Variants in GREB1L observed in about 807,000 individuals in gnomAD.
GREB1L encodes GREB1-like protein.
In GREB1L, 17 loss-of-function variants were observed where a neutral mutation model predicts 200.8. The ratio of observed to expected loss-of-function variants is 0.08; its 90% CI spans 0.06 to 0.13. The LOEUF (loss-of-function observed/expected upper bound fraction) is 0.13, where lower values mean the gene tolerates loss of function less well. Among genes scored for constraint, GREB1L ranks in the 10% least tolerant of loss-of-function variants. The pLI, the probability that GREB1L is intolerant of heterozygous loss-of-function variation, is 1.00. For missense variants in GREB1L, 1,657 were observed against 2,367.7 expected, an observed-to-expected ratio of 0.70 and a Z score of 6.23; for synonymous variants, 789 against 893.0, an observed-to-expected ratio of 0.88 and a Z score of 2.08.
rs181261542 is a variant in GREB1L, at chr18:21,523,959, G to A, written c.*1138G>A. The A allele has an allele frequency of 5.9e-5, 9 of 152,178 alleles. No homozygotes were observed. Among genetic ancestry groups the A allele is most frequent in the East Asian group, 1.9e-4 (1 of 5,186 alleles). The allele number at this position is 152,178 out of a possible 1,614,324, so 9.4% of individuals were successfully genotyped here. ...CAGCAGGGGGTGTTTGTCCAGTATC[G>A]GCAATGGGAGGCATATGTTTCTACA... On this transcript the variant is annotated 3_prime_UTR_variant, in exon 33 of 33. Transcript: ENST00000424526.
chr18:21,395,794 G>C (rs904711252), intron 5 of GREB1L, among the ~76,000 whole-genome samples: 3 of 149,676 alleles, frequency 2.0e-5, no homozygotes, highest in African/African-American at 7.4e-5. Context: ...CAATGGTGCA[G>C]TCTAGGCTCA....
At chr18:21,260,313 C>T (rs957933976) in intron 1 of GREB1L, among the ~76,000 whole-genome samples, 1 of 151,748 alleles carries the variant, frequency 6.6e-6, no homozygotes, top group Non-Finnish European at 1.5e-5. Flanking sequence ...TTTTTAAATA[C>T]ATTTCCTTTT....
rs1010005154 is a variant in GREB1L at position 21,515,555 on chromosome 18, C to T, written c.5040C>T (p.Ser1680=). The change falls in exon 29 of 33, where the codon AGC becomes AGT. Residue 1680 remains serine (S), a synonymous_variant. Transcript: ENST00000424526. The part of the protein sequence containing the change: ...QKWSSKLTSQ[S]LKAPFSRCHV... ...GGAGCAGCAAGCTGACTTCTCAGAG[C>T]CTAAAGGCCCCATTCTCTAGGTGTC... 6.4e-7 allele frequency: 1 copy of T among 1,551,622 alleles called. No individual in the cohort carries two copies. The highest frequency in any genetic ancestry group is 1.4e-5 in the African/African-American group (1 of 73,162).
intron 16 of GREB1L, 115 bp from the exon 17 acceptor site, chr18:21,477,049 C>T: frequency 1.1e-5 from 7 of 654,286 alleles, no homozygotes; most frequent in Admixed American, 3.4e-5. Flanking sequence ...CTTCTCTGCT[C>T]CCAATTGAAA....
intron 25 of GREB1L, among the ~76,000 whole-genome samples, chr18:21,507,035 T>A (rs1441839079): frequency 1.3e-5 from 2 of 152,208 alleles, no homozygotes; most frequent in Non-Finnish European, 2.9e-5. Context: ...CATCTCATCC[T>A]GAAATACAAA....
Position 21,520,758 on chromosome 18 carries a change from G to C in GREB1L, c.5543G>C (p.Gly1848Ala). 1 of 1,546,646 alleles carries C rather than the reference G, an allele frequency of 6.5e-7. No homozygotes were observed. The highest frequency in any genetic ancestry group is 8.7e-7 in the Non-Finnish European group (1 of 1,145,452). ...NVNCEGVFFS[G>A]LLLYLCDSFV... is the part of the protein sequence containing the mutation. ...AACTGTGAAGGGGTGTTTTTCAGTG[G>C]ACTCCTTTTGTACCTCTGTGACTCT... is the stretch of plus-strand genomic sequence containing the variant. The change falls in exon 32 of 33, where the codon GGA becomes GCA. Residue 1848 changes from glycine (G) to alanine (A), a missense_variant. Coordinates refer to ENST00000424526, the MANE Select transcript of GREB1L (RefSeq NM_001142966.3).
intron 11 of GREB1L, among the ~76,000 whole-genome samples, chr18:21,445,189 A>T (rs1367221765): frequency 6.6e-6 from 1 of 152,242 alleles, no homozygotes; most frequent in East Asian, 1.9e-4. Context: ...AATATTTGAG[A>T]TGTGGCCGGG....
rs754658709 is a variant in GREB1L at position 21,444,215 on chromosome 18, T to C, written c.1208-9T>C. On this transcript the variant is annotated splice_polypyrimidine_tract_variant and intron_variant, in intron 10 of 32. Coordinates refer to ENST00000424526, the MANE Select transcript of GREB1L (RefSeq NM_001142966.3). ...GTTGAACTGTACTGACCTGCTTCTA[T>C]TGGGACAGGCTATGGCACTTTACCC... 43 of 1,546,924 alleles carry C rather than the reference T, an allele frequency of 2.8e-5. No individual in the cohort carries two copies. Among genetic ancestry groups the C allele is most frequent in the East Asian group, 2.2e-4 (9 of 40,912 alleles).
intron 1 of GREB1L, among the ~76,000 whole-genome samples, chr18:21,264,777 C>G (rs1194606676): frequency 6.7e-6 from 1 of 150,204 alleles, no homozygotes; most frequent in African/African-American, 2.4e-5. Flanking sequence ...GTTGCAGATG[C>G]CTGGAAAGTT....
At chr18:21,498,990 G>A (rs1373757698) in intron 21 of GREB1L, among the ~76,000 whole-genome samples, 6 of 152,194 alleles carry the variant, frequency 3.9e-5, no homozygotes, top group Admixed American at 6.5e-5. Flanking sequence ...CTGTTAGGAG[G>A]ACAAACACAC....
At chr18:21,335,717 G>A (rs147817965) in intron 1 of GREB1L, among the ~76,000 whole-genome samples, 46 of 149,446 alleles carry the variant, frequency 3.1e-4, no homozygotes, top group African/African-American at 1.1e-3. Flanking sequence ...AGGCTGGAGT[G>A]CAGTGGCTCA....
At chr18:21,257,823 C>A (rs2037824891) in intron 1 of GREB1L, among the ~76,000 whole-genome samples, 1 of 152,162 alleles carries the variant, frequency 6.6e-6, no homozygotes, top group Admixed American at 6.5e-5. Flanking sequence ...TTTAATTCAA[C>A]AATATTATTA....
At position 21,384,247 on chromosome 18, in the gene GREB1L, A is replaced by G; in HGVS notation, c.199A>G (p.Asn67Asp). ...KVEDLDKDLVNRYTQNGSLDF... is the reference protein window; with the variant it reads ...KVEDLDKDLVDRYTQNGSLDF... ...GGAGGATCTGGACAAAGATTTGGTA[A>G]ACCGCTACACTCAAAATGGAAGTCT... is the stretch of plus-strand genomic sequence containing the variant. Residue 67 changes from asparagine to aspartate, a missense_variant, in exon 4 of 33, where the codon AAC (asparagine) becomes GAC (aspartate). Transcript: ENST00000424526. The G allele has an allele frequency of 3.2e-6, 5 of 1,551,478 alleles. No homozygotes were observed. Among genetic ancestry groups the G allele is most frequent in the Non-Finnish European group, 4.4e-6 (5 of 1,146,814 alleles).
At chr18:21,514,987 C>T (rs1435318903) in intron 28 of GREB1L, among the ~76,000 whole-genome samples, 2 of 152,194 alleles carry the variant, frequency 1.3e-5, no homozygotes, top group African/African-American at 4.8e-5. Context: ...TGCCAGCTGA[C>T]CTTTAAGCCC....
intron 21 of GREB1L, among the ~76,000 whole-genome samples, chr18:21,498,705 G>A (rs2036653699): frequency 1.3e-5 from 2 of 152,216 alleles, no homozygotes; most frequent in African/African-American, 4.8e-5. Flanking sequence ...AGAGCACAGG[G>A]ACCCCAGCCA....
intron 7 of GREB1L, among the ~76,000 whole-genome samples, chr18:21,422,352 A>G (rs1234569584): frequency 6.6e-6 from 1 of 152,208 alleles, no homozygotes; most frequent in Non-Finnish European, 1.5e-5. Flanking sequence ...GCGTGTGTAT[A>G]TACATACATA....
intron 1 of GREB1L, among the ~76,000 whole-genome samples, chr18:21,349,507 C>T (rs2039402778): frequency 6.6e-6 from 1 of 152,178 alleles, no homozygotes; most frequent in Non-Finnish European, 1.5e-5. Context: ...GATCCCCAGT[C>T]CCCTGGCCAC....
At chr18:21,342,038 A>G (rs1227767655) in intron 1 of GREB1L, among the ~76,000 whole-genome samples, 1 of 152,176 alleles carries the variant, frequency 6.6e-6, no homozygotes, top group Non-Finnish European at 1.5e-5. Flanking sequence ...GATTTTCATT[A>G]TTAAACCTCA....
intron 1 of GREB1L, among the ~76,000 whole-genome samples, chr18:21,284,116 C>A (rs533608597): frequency 1.3e-5 from 2 of 152,246 alleles, no homozygotes; most frequent in Admixed American, 1.3e-4. Flanking sequence ...GTCAGCCTGT[C>A]ACACACCCCT....
Sources: allele counts gnomAD v4.1 joint callset (sites outside exome capture counted in the v4.1 genomes callset), GRCh38; gene constraint gnomAD v4.1.1; transcripts MANE v1.5; gene names NCBI Gene and HGNC (gene_info 2026-07-23, HGNC 2026-07-21).